The following FRMD4B variants were observed in gnomAD, a reference collection of about 807,000 sequenced individuals.
The protein encoded by FRMD4B is FERM domain-containing protein 4B.
A neutral mutation model predicts 141.5 loss-of-function variants in FRMD4B; 74 were observed. That is an observed-to-expected ratio of 0.52 (90% CI 0.43 to 0.63). The LOEUF is 0.63. FRMD4B is among the 30% of genes least tolerant of loss of function. The pLI is 0.00. For synonymous variants in FRMD4B, 506 were observed against 467.9 expected, an observed-to-expected ratio of 1.08 and a Z score of -1.05; for missense variants, 1,366 against 1,253.4, an observed-to-expected ratio of 1.09 and a Z score of -1.36.
intron 1 of FRMD4B, among the ~76,000 whole-genome samples, chr3:69,341,969 C>G (rs1228904652): frequency 6.6e-6 from 1 of 152,182 alleles, no homozygotes; most frequent in Non-Finnish European, 1.5e-5. Flanking sequence ...ACAGGCAACA[C>G]ACACAAAGGC....
chr3:69,504,987 G>T (rs528774824), intron 1 of FRMD4B, among the ~76,000 whole-genome samples: 60 of 152,204 alleles, frequency 3.9e-4, no homozygotes, highest in African/African-American at 1.3e-3. Flanking sequence ...GGAGATATTT[G>T]CAATTTTTAA....
intron 1 of FRMD4B, among the ~76,000 whole-genome samples, chr3:69,449,026 A>T (rs1705452174): frequency 6.6e-6 from 1 of 152,160 alleles, no homozygotes; most frequent in African/African-American, 2.4e-5. Context: ...GCATCTTTTT[A>T]TATGTAGCCT....
intron 7 of FRMD4B, among the ~76,000 whole-genome samples, chr3:69,234,644 T>C (rs1298776405): frequency 3.9e-5 from 6 of 152,152 alleles, no homozygotes; most frequent in African/African-American, 1.4e-4. Flanking sequence ...GGTAAAGCAA[T>C]ATTAAAGGTG....
intron 2 of FRMD4B, among the ~76,000 whole-genome samples, chr3:69,399,778 C>G (rs1029497685): frequency 6.6e-6 from 1 of 152,172 alleles, no homozygotes; most frequent in Non-Finnish European, 1.5e-5. Flanking sequence ...GCCGCTTAAA[C>G]TTCCCTTCTC....
At chr3:69,380,856 T>G (rs2200247) in intron 1 of FRMD4B, among the ~76,000 whole-genome samples, 20 of 152,042 alleles carry the variant, frequency 1.3e-4, no homozygotes, top group African/African-American at 4.8e-4. Flanking sequence ...AGGAATAAAC[T>G]GAGGGTTTTG....
intron 1 of FRMD4B, among the ~76,000 whole-genome samples, chr3:69,449,522 C>G (rs1197348259): frequency 6.6e-6 from 1 of 152,154 alleles, no homozygotes; most frequent in African/African-American, 2.4e-5. Context: ...AGCCCCCATT[C>G]AAATAAATGT....
intron 4 of FRMD4B, among the ~76,000 whole-genome samples, chr3:69,291,631 C>T (rs1041021485): frequency 6.6e-6 from 1 of 152,136 alleles, no homozygotes; most frequent in African/African-American, 2.4e-5. Context: ...CAGCTTCTCA[C>T]CCTGGAGAAT....
intron 1 of FRMD4B, among the ~76,000 whole-genome samples, chr3:69,360,155 G>A (rs1248531130): frequency 6.6e-6 from 1 of 152,080 alleles, no homozygotes; most frequent in Non-Finnish European, 1.5e-5. Flanking sequence ...TTTTGTAGTG[G>A]AAAATTTCAA....
chr3:69,300,415 T>TC (rs1701176593), intron 4 of FRMD4B, among the ~76,000 whole-genome samples: 1 of 152,170 alleles, frequency 6.6e-6, no homozygotes, highest in East Asian at 1.9e-4. Context: ...GAGATAACAC[T>TC]CCAAGTAAGT....
At position 69,403,310 on chromosome 3, in the gene FRMD4B, T is replaced by G. The variant is rs115467242; in HGVS notation, c.-1+29324A>C. 2.8e-3 allele frequency among the ~76,000 whole-genome samples: 432 copies of G among 152,350 alleles called. 4 individuals are homozygous for G. Among genetic ancestry groups the G allele is most frequent in the African/African-American group, 0.01 (424 of 41,588 alleles). On this transcript the variant is annotated intron_variant, in intron 2 of 5. Coordinates refer to the FRMD4B transcript ENST00000459638. ...TTTCACACCCACCAAGCCATGTTAA[T>G]GTTCTCAACAACTCAGAAGTATTCT...
At chr3:69,427,871 G>C (rs1349061778) in intron 2 of FRMD4B, among the ~76,000 whole-genome samples, 3 of 151,760 alleles carry the variant, frequency 2.0e-5, no homozygotes, top group African/African-American at 7.3e-5. Flanking sequence ...GGCCAGGCTG[G>C]TCTCGAACTC....
intron 1 of FRMD4B, chr3:69,376,859 A>G (rs1703985349): frequency 6.6e-6 from 1 of 152,256 alleles, no homozygotes; most frequent in Non-Finnish European, 1.5e-5. Context: ...TTCCACAACA[A>G]CCAACTGGGA....
chr3:69,361,183 T>C (rs532599727), intron 1 of FRMD4B, among the ~76,000 whole-genome samples: 1 of 152,330 alleles, frequency 6.6e-6, no homozygotes, highest in Non-Finnish European at 1.5e-5. Context: ...TCTTTACTGA[T>C]ATTCAGATTG....
At chr3:69,367,428 T>G (rs557406423) in intron 1 of FRMD4B, among the ~76,000 whole-genome samples, 1 of 152,182 alleles carries the variant, frequency 6.6e-6, no homozygotes, top group South Asian at 2.1e-4. Context: ...ATTGCTTGCA[T>G]ATATCCATAA....
chr3:69,349,598 A>G (rs1297236565), intron 1 of FRMD4B, among the ~76,000 whole-genome samples: 2 of 152,146 alleles, frequency 1.3e-5, no homozygotes, highest in Non-Finnish European at 2.9e-5. Context: ...AGTAACCAAA[A>G]AAGCATGGTA....
chr3:69,254,197 C>T (rs1200664234), intron 5 of FRMD4B, among the ~76,000 whole-genome samples: 3 of 152,076 alleles, frequency 2.0e-5, no homozygotes, highest in African/African-American at 4.8e-5. Context: ...CTCCGCCTCC[C>T]GAGTTCAAGC....
chr3:69,215,940 G>C (rs552644288), intron 11 of FRMD4B, among the ~76,000 whole-genome samples: 43 of 152,162 alleles, frequency 2.8e-4, no homozygotes, highest in African/African-American at 9.2e-4. Flanking sequence ...GATCACTTGA[G>C]GTCAGAAGTT....
chr3:69,465,539 C>G (rs944327817), intron 1 of FRMD4B, among the ~76,000 whole-genome samples: 1 of 152,006 alleles, frequency 6.6e-6, no homozygotes, highest in African/African-American at 2.4e-5. Flanking sequence ...ATCCCTCCCC[C>G]AGTCCCCCAG....
intron 1 of FRMD4B, among the ~76,000 whole-genome samples, chr3:69,434,259 G>A (rs1173901697): frequency 6.6e-6 from 1 of 152,226 alleles, no homozygotes; most frequent in Admixed American, 6.5e-5. Flanking sequence ...TCTTCTGGTT[G>A]CCTTCAATAG....
Sources: gnomAD v4.1 joint callset for allele counts (sites outside exome capture counted in the v4.1 genomes callset) on GRCh38, gnomAD v4.1.1 for gene constraint, MANE v1.5 for transcripts, NCBI Gene and HGNC (gene_info 2026-07-23, HGNC 2026-07-21) for gene names.